NEGR1: variants seen among roughly 807,000 people sequenced by gnomAD.
NEGR1 encodes neuronal growth regulator 1, also known as IgLON family member 4.
In NEGR1, 10 loss-of-function variants were observed where a neutral mutation model predicts 40.9. The observed-to-expected ratio is 0.24, with a 90% CI of 0.15 to 0.42. The LOEUF is 0.42. Ranked by LOEUF, NEGR1 falls within the 10% of genes least tolerant of loss-of-function variation. NEGR1 has a pLI of 1.00. For synonymous variants in NEGR1, 185 were observed against 166.8 expected (o/e 1.11, Z -0.84); for missense variants, 352 against 438.9 (o/e 0.80, Z 1.77).
chr1:71,485,668 A>G (rs922992441), intron 6 of NEGR1, among the ~76,000 whole-genome samples: 5 of 151,702 alleles, frequency 3.3e-5, no homozygotes, highest in Admixed American at 3.3e-4. Flanking sequence ...CTAGAATGAC[A>G]TATAGTAGGA....
At chr1:71,916,285 TATG>T (rs1382255010) in intron 2 of NEGR1, among the ~76,000 whole-genome samples, 1 of 152,218 alleles carries the variant, frequency 6.6e-6, no homozygotes, top group African/African-American at 2.4e-5. Context: ...AAGTTAAAAG[TATG>T]ATGAGTCTTA....
intron 2 of NEGR1, among the ~76,000 whole-genome samples, chr1:71,795,914 A>C (rs894704930): frequency 3.3e-5 from 5 of 152,246 alleles, no homozygotes; most frequent in Non-Finnish European, 5.9e-5. Context: ...GAGCTTCTAC[A>C]ATTTAGACCA....
chr1:72,088,655 T>C (rs927526763), intron 1 of NEGR1, among the ~76,000 whole-genome samples: 4 of 152,162 alleles, frequency 2.6e-5, no homozygotes, highest in African/African-American at 9.6e-5. Context: ...TAATGTATAA[T>C]GTGTTCAACA....
chr1:71,744,284 C>CATATATATATATATATATATATAT lies in NEGR1; in HGVS notation c.535+31887_535+31888insATATATATATATATATATATATAT, dbSNP rs147978120. Among the ~76,000 whole-genome samples the CATATATATATATATATATATATAT allele has an allele frequency of 1.6e-3, 223 of 137,096 alleles. 2 individuals are homozygous for CATATATATATATATATATATATAT. Among genetic ancestry groups the CATATATATATATATATATATATAT allele is most frequent in the African/African-American group, 5.2e-3 (190 of 36,212 alleles). 89.9% of individuals were successfully genotyped at this position (137,096 alleles called of 152,430 possible). A position where few individuals can be genotyped will look rare whatever the true frequency, so the allele number is the denominator to read the frequency against. On this transcript the variant is annotated intron_variant, in intron 3 of 6. Transcript: ENST00000357731. ...ATAATAATATGTTTATGACAAATAA[C>CATATATATATATATATATATATAT]ATATATATATATATATATAAAGTGC...
intron 4 of NEGR1, among the ~76,000 whole-genome samples, chr1:71,685,905 C>G (rs553175193): frequency 2.0e-5 from 3 of 152,036 alleles, no homozygotes; most frequent in Non-Finnish European, 4.4e-5. Context: ...GGCATCGCGA[C>G]GGAGCTTAGC....
At chr1:71,953,528 T>C in intron 1 of NEGR1, among the ~76,000 whole-genome samples, 1 of 152,016 alleles carries the variant, frequency 6.6e-6, no homozygotes, top group East Asian at 1.9e-4. Context: ...AAAACTTATT[T>C]GATAAAACAA....
Position 71,780,053 on chromosome 1 carries a change from AAAAAAAAAAAAAAAAAAAG to A in NEGR1, c.410-3775_410-3757del, listed in dbSNP as rs1278261151. ...GCATAGGAAAACCAAAAAAAAAAAA[AAAAAAAAAAAAAAAAAAAG>A]AAAAAAAATAGAGGAGAGTTAAAAA... On this transcript the variant is annotated intron_variant, in intron 2 of 6. Transcript: ENST00000357731. Among the ~76,000 whole-genome samples the A allele has an allele frequency of 4.4e-4, 9 of 20,386 alleles. No individual in the cohort carries two copies. In the Admixed American group the frequency reaches 7.4e-3, roughly 17 times the overall value. The allele number at this position is 20,386 out of a possible 152,430, so 13.4% of individuals were successfully genotyped here. A position where few individuals can be genotyped will look rare whatever the true frequency, so the allele number is the denominator to read the frequency against.
At chr1:71,450,158 T>C (rs1394913269) in intron 6 of NEGR1, among the ~76,000 whole-genome samples, 1 of 151,692 alleles carries the variant, frequency 6.6e-6, no homozygotes, top group Non-Finnish European at 1.5e-5. Context: ...GCCTGGCTAA[T>C]TTTTGTATTT....
chr1:71,743,919 A>G (rs1365211250), intron 3 of NEGR1, among the ~76,000 whole-genome samples: 3 of 152,204 alleles, frequency 2.0e-5, no homozygotes, highest in Admixed American at 2.0e-4. Flanking sequence ...GGAATTGCTT[A>G]TAAAATAACT....
At chr1:71,948,525 A>G (rs1646041526) in intron 1 of NEGR1, among the ~76,000 whole-genome samples, 1 of 151,712 alleles carries the variant, frequency 6.6e-6, no homozygotes, top group Admixed American at 6.6e-5. Context: ...GAGACAGGAG[A>G]TATTTGGTAC....
intron 3 of NEGR1, among the ~76,000 whole-genome samples, chr1:71,740,088 C>A (rs1459791): frequency 0.42 from 63,101 of 151,976 alleles, 15,523 homozygotes; most frequent in Middle Eastern, 0.6. Flanking sequence ...ATTTCATCTG[C>A]GACTTCCCTG....
intron 6 of NEGR1, among the ~76,000 whole-genome samples, chr1:71,435,818 G>T (rs1482962488): frequency 6.6e-6 from 1 of 152,148 alleles, no homozygotes; most frequent in African/African-American, 2.4e-5. Flanking sequence ...GAAGTACCTT[G>T]CCCATAAGGA....
intron 1 of NEGR1, among the ~76,000 whole-genome samples, chr1:72,002,356 G>T (rs908820413): frequency 6.6e-6 from 1 of 151,890 alleles, no homozygotes. Flanking sequence ...GTATAGCAAG[G>T]TGCCTTTTCT....
intron 1 of NEGR1, among the ~76,000 whole-genome samples, chr1:72,040,787 A>AAATT (rs1442017858): frequency 6.6e-6 from 1 of 151,830 alleles, no homozygotes; most frequent in Non-Finnish European, 1.5e-5. Flanking sequence ...CAACAATTGA[A>AAATT]GTTGTAAAAA....
intron 2 of NEGR1, among the ~76,000 whole-genome samples, chr1:71,807,254 CA>C (rs1355256504): frequency 6.6e-6 from 1 of 152,018 alleles, no homozygotes; most frequent in African/African-American, 2.4e-5. Context: ...AATTAGAAAG[CA>C]TTTCATATTG....
chr1:71,610,199 C>A (rs1427715383), intron 5 of NEGR1, among the ~76,000 whole-genome samples: 1 of 152,146 alleles, frequency 6.6e-6, no homozygotes, highest in Admixed American at 6.5e-5. Flanking sequence ...ATGGAATTGC[C>A]AACATTTGGC....
At chr1:72,122,331 T>G (rs1430608589) in intron 1 of NEGR1, among the ~76,000 whole-genome samples, 1 of 151,966 alleles carries the variant, frequency 6.6e-6, no homozygotes, top group African/African-American at 2.4e-5. Context: ...CATCGAGTGT[T>G]AACAATCCCC....
chr1:71,680,891 G>A (rs1468201720), intron 4 of NEGR1, among the ~76,000 whole-genome samples: 3 of 152,156 alleles, frequency 2.0e-5, no homozygotes, highest in Non-Finnish European at 4.4e-5. Flanking sequence ...TTATGTTTTA[G>A]GAGTGTCATA....
intron 1 of NEGR1, chr1:72,274,584 T>C (rs188089548): frequency 2.6e-5 from 20 of 774,266 alleles, no homozygotes; most frequent in Non-Finnish European, 2.2e-5. Flanking sequence ...TGGCAAGATA[T>C]GGCGAAAGCC....
Sources: gnomAD v4.1 joint callset for allele counts (sites outside exome capture counted in the v4.1 genomes callset) on GRCh38, gnomAD v4.1.1 for gene constraint, MANE v1.5 for transcripts, NCBI Gene and HGNC (gene_info 2026-07-23, HGNC 2026-07-21) for gene names.